FAAH2: variants seen among roughly 807,000 people sequenced by gnomAD.
FAAH2 encodes the protein fatty-acid amide hydrolase 2.
In FAAH2, 60 loss-of-function variants were observed where a neutral mutation model predicts 36.9. The ratio of observed to expected loss-of-function variants is 1.63; its 90% CI spans 1.32 to 2.02. FAAH2 has a LOEUF of 2.02. Among genes scored for constraint, FAAH2 ranks in the 30% most tolerant of loss-of-function variants. FAAH2 has a pLI of 0.00. For synonymous variants in FAAH2, 214 were observed against 143.8 expected (o/e 1.49, Z -3.49); for missense variants, 689 against 397.5 (o/e 1.73, Z -6.23).
At chrX:57,479,120 G>T (rs1213760837) in intron 10 of FAAH2, among the ~76,000 whole-genome samples, 1 of 111,744 alleles carries the variant, frequency 8.9e-6, no homozygotes, top group Non-Finnish European at 1.9e-5. Flanking sequence ...CTACCAATGA[G>T]TATGGATTGT....
chrX:57,339,415 G>A (rs921828889), intron 4 of FAAH2, among the ~76,000 whole-genome samples: 2 of 111,931 alleles, frequency 1.8e-5, no homozygotes, highest in African/African-American at 6.5e-5. Flanking sequence ...TTGACCAATG[G>A]AATCTAGTTA....
the FAAH2 span, among the ~76,000 whole-genome samples, chrX:57,179,434 CCAAA>C: frequency 9.0e-6 from 1 of 111,721 alleles, no homozygotes; most frequent in African/African-American, 3.3e-5. Flanking sequence ...AAAAAATCTA[CCAAA>C]CAAATGGAAA....
chrX:57,465,830 C>A (rs1032453511), intron 10 of FAAH2, among the ~76,000 whole-genome samples: 1 of 109,517 alleles, frequency 9.1e-6, no homozygotes, highest in African/African-American at 3.3e-5. Context: ...AAAAATAATA[C>A]CCAAAACAAT....
intron 7 of FAAH2, chrX:57,393,648 C>G: frequency 1.0e-6 from 1 of 961,037 alleles, no homozygotes. Context: ...TCAGCACTGA[C>G]GGGGTCTCCT....
the FAAH2 span, among the ~76,000 whole-genome samples, chrX:57,123,287 A>G: frequency 8.9e-6 from 1 of 111,790 alleles, no homozygotes; most frequent in East Asian, 2.8e-4. Flanking sequence ...TTTGCTGAGA[A>G]TGATGGTTTC....
chrX:57,210,934 T>C, the FAAH2 span, among the ~76,000 whole-genome samples: 1 of 112,667 alleles, frequency 8.9e-6, no homozygotes, highest in Non-Finnish European at 1.9e-5. Flanking sequence ...ATCTAAAATA[T>C]GTATTTTATA....
chrX:57,389,486 G>C (rs1171512354), intron 7 of FAAH2, among the ~76,000 whole-genome samples: 1 of 108,335 alleles, frequency 9.2e-6, no homozygotes, highest in Non-Finnish European at 1.9e-5. Context: ...TTGTTTTTCT[G>C]TGTCTGGTTT....
chrX:57,473,559 G>A (rs2057208487), intron 10 of FAAH2, among the ~76,000 whole-genome samples: 1 of 111,212 alleles, frequency 9.0e-6, no homozygotes, highest in Non-Finnish European at 1.9e-5. Flanking sequence ...CTATAATCCA[G>A]TTAAATCTTG....
At chrX:57,321,248 C>T (rs914759472) in intron 3 of FAAH2, among the ~76,000 whole-genome samples, 1 of 110,326 alleles carries the variant, frequency 9.1e-6, no homozygotes, top group Non-Finnish European at 1.9e-5. Context: ...ACTGCATGTT[C>T]TCACTCAGGA....
At chrX:57,224,667 G>T in the FAAH2 span, among the ~76,000 whole-genome samples, 1 of 112,333 alleles carries the variant, frequency 8.9e-6, no homozygotes. Context: ...GAACAATGTA[G>T]CAGTTACGTC....
At chrX:57,347,670 T>TG (rs2053864917) in intron 5 of FAAH2, among the ~76,000 whole-genome samples, 1 of 104,294 alleles carries the variant, frequency 9.6e-6, no homozygotes. Context: ...TCATAATTCT[T>TG]GCACTTATTC....
intron 10 of FAAH2, among the ~76,000 whole-genome samples, chrX:57,473,812 C>G (rs1422322839): frequency 9.0e-6 from 1 of 110,897 alleles, no homozygotes; most frequent in South Asian, 3.8e-4. Flanking sequence ...TCTGTTTTAT[C>G]TGATATGAAA....
intron 5 of FAAH2, among the ~76,000 whole-genome samples, chrX:57,356,877 T>A (rs746042484): frequency 9.0e-6 from 1 of 110,928 alleles, no homozygotes; most frequent in Non-Finnish European, 1.9e-5. Flanking sequence ...GCAATGGTGA[T>A]TTGCTGCACC....
chrX:57,485,071 C>T (rs2057449378), intron 10 of FAAH2, among the ~76,000 whole-genome samples: 1 of 111,707 alleles, frequency 9.0e-6, no homozygotes, highest in Non-Finnish European at 1.9e-5. Flanking sequence ...CAGTTGGGGG[C>T]AAGCCAGCCA....
At chrX:57,469,125 T>C (rs1414619196) in intron 10 of FAAH2, among the ~76,000 whole-genome samples, 1 of 111,953 alleles carries the variant, frequency 8.9e-6, no homozygotes, top group Non-Finnish European at 1.9e-5. Flanking sequence ...GAACAACTGG[T>C]AACAGCCACT....
intron 1 of FAAH2, among the ~76,000 whole-genome samples, chrX:57,291,532 C>T (rs965229868): frequency 9.0e-6 from 1 of 111,642 alleles, no homozygotes; most frequent in Non-Finnish European, 1.9e-5. Flanking sequence ...AATGCTTTTG[C>T]CCTCTGGCAG....
At chrX:57,258,009 C>A in the FAAH2 span, among the ~76,000 whole-genome samples, 1 of 111,565 alleles carries the variant, frequency 9.0e-6, no homozygotes, top group Non-Finnish European at 1.9e-5. Context: ...ACAAGAATAA[C>A]ATAGCTAGTT....
intron 3 of FAAH2, among the ~76,000 whole-genome samples, chrX:57,329,006 G>C (rs769015339): frequency 2.8e-4 from 31 of 111,842 alleles, no homozygotes; most frequent in African/African-American, 9.4e-4. Flanking sequence ...CAATGGGTAA[G>C]TGCCAGCCAA....
chrX:57,228,300 C>T, the FAAH2 span, among the ~76,000 whole-genome samples: 1 of 111,359 alleles, frequency 9.0e-6, no homozygotes, highest in Non-Finnish European at 1.9e-5. Context: ...GGGGATCCAG[C>T]GAGCTCCCAG....
Sources: allele counts gnomAD v4.1 joint callset (sites outside exome capture counted in the v4.1 genomes callset), GRCh38; gene constraint gnomAD v4.1.1; transcripts MANE v1.5; gene names NCBI Gene and HGNC (gene_info 2026-07-23, HGNC 2026-07-21).